ABR: variants seen among roughly 807,000 people sequenced by gnomAD.
The protein encoded by ABR is ABR activator of RhoGEF and GTPase.
ABR carries 35 observed loss-of-function variants against 107.2 expected under a neutral mutation model. The ratio of observed to expected loss-of-function variants is 0.33; its 90% CI spans 0.25 to 0.43. The LOEUF (loss-of-function observed/expected upper bound fraction) is 0.43, where lower values mean the gene tolerates loss of function less well. Ranked by LOEUF, ABR falls within the 20% of genes least tolerant of loss-of-function variation. The pLI, the probability that ABR is intolerant of heterozygous loss-of-function variation, is 1.00. For synonymous variants in ABR, 498 were observed against 462.0 expected (o/e 1.08, Z -1.00); for missense variants, 815 against 1,115.2 (o/e 0.73, Z 3.83).
chr17:1,079,326 G>A lies in ABR; in HGVS notation c.700+4C>T. The A allele has an allele frequency of 6.2e-7, 1 of 1,613,180 alleles. No individual in the cohort carries two copies. Among genetic ancestry groups the A allele is most frequent in the Non-Finnish European group, 8.5e-7 (1 of 1,179,540 alleles). On this transcript the variant is annotated splice_donor_region_variant and intron_variant, in intron 6 of 22. Coordinates refer to ENST00000302538, the MANE Select transcript of ABR (RefSeq NM_021962.5). ...CCTGTAATCCAGCCCGCTCCCCGAG[G>A]TACCTTCCATGGTGACAGACGTGTG...
chr17:1,050,045 C>A lies in ABR; in HGVS notation c.1791+5G>T. 8 of 1,613,026 alleles carry A rather than the reference C, an allele frequency of 5.0e-6. No homozygotes were observed. Among genetic ancestry groups the A allele is most frequent in the Non-Finnish European group, 6.8e-6 (8 of 1,179,624 alleles). ...CTCAGCCTCGCCCCGGCGCCCTGGC[C>A]TCACCTGGATCTGTCCTTTGCCCAT... On this transcript the variant is annotated splice_donor_5th_base_variant and intron_variant, in intron 16 of 22. Coordinates refer to ENST00000302538, the MANE Select transcript of ABR (RefSeq NM_021962.5). This position sits in a 1 kb window ranked among gnomAD's most constrained non-coding sequence, Gnocchi z 4.6.
intron 16 of ABR, among the ~76,000 whole-genome samples, chr17:1,024,606 C>T (rs940956894): frequency 6.6e-6 from 1 of 151,884 alleles, no homozygotes; most frequent in Admixed American, 6.6e-5. Context: ...CGCAACATAA[C>T]GAAACCTCGT....
intron 1 of ABR, among the ~76,000 whole-genome samples, chr17:1,153,303 C>T (rs1387640727): frequency 6.6e-6 from 1 of 152,278 alleles, no homozygotes; most frequent in African/African-American, 2.4e-5. Context: ...GTCATACCCC[C>T]CAGCCTGGCC....
In ABR at chr17:1,004,760, C is replaced by G; in HGVS notation, c.*1320G>C. 3.0e-6 allele frequency: 1 copy of G among 328,014 alleles called. No individual in the cohort carries two copies. The highest frequency in any genetic ancestry group is 5.5e-6 in the Non-Finnish European group (1 of 180,868). The allele number at this position is 328,014 out of a possible 1,614,324, so 20.3% of individuals were successfully genotyped here. On this transcript the variant is annotated 3_prime_UTR_variant, in exon 23 of 23. Transcript: ENST00000302538. ...GGCGGCTGTCTGATTCCCCACTCTC[C>G]CCACAACTTCTGGAGTTCCCAGTGT...
chr17:1,018,171 T>C (rs576908402), intron 16 of ABR, among the ~76,000 whole-genome samples: 93 of 152,098 alleles, frequency 6.1e-4, no homozygotes, highest in African/African-American at 2.1e-3. Context: ...GCCTCCTGAG[T>C]AGCTGGGACT....
chr17:1,078,852 A>G lies in ABR; in HGVS notation c.700+478T>C. The G allele has an allele frequency of 6.5e-7, 1 of 1,535,502 alleles. No homozygotes were observed. The highest frequency in any genetic ancestry group is 8.7e-7 in the Non-Finnish European group (1 of 1,146,784). Reference sequence around the variant, plus strand: ...ACAGCAGAAGCGAATAATGAGGAGAATCTCCATGGCAGCCTCTGTCCCCGC... The same window carrying G: ...ACAGCAGAAGCGAATAATGAGGAGAGTCTCCATGGCAGCCTCTGTCCCCGC... On this transcript the variant is annotated intron_variant, in intron 6 of 22. Transcript: ENST00000302538. The surrounding 1 kb of genome is among the most constrained non-coding windows in gnomAD (Gnocchi z 7.5).
Position 1,005,955 on chromosome 17 carries a change from G to T in ABR, c.*125C>A. The stretch of plus-strand genomic sequence containing the variant: ...GACGTACGCATTCCAGTTCTTGGAA[G>T]CTGGCTTCCCTCGAGTCTGGAGTGC... On this transcript the variant is annotated 3_prime_UTR_variant, in exon 23 of 23. Transcript: ENST00000302538. 2 of 902,720 alleles carry T rather than the reference G, an allele frequency of 2.2e-6. No homozygotes were observed. Among genetic ancestry groups the T allele is most frequent in the Non-Finnish European group, 3.5e-6 (2 of 574,468 alleles). The allele number at this position is 902,720 out of a possible 1,614,324, so 55.9% of individuals were successfully genotyped here.
At chr17:1,190,759 AT>A (rs1382475859), upstream of ABR, among the ~76,000 whole-genome samples, 2 of 152,190 alleles carry the variant, frequency 1.3e-5, no homozygotes, top group African/African-American at 2.4e-5. Context: ...GTCTGCTGGG[AT>A]TCCGAGAAAG....
intron 1 of ABR, among the ~76,000 whole-genome samples, chr17:1,137,524 A>G (rs1045184843): frequency 1.3e-5 from 2 of 152,238 alleles, no homozygotes; most frequent in African/African-American, 4.8e-5. Flanking sequence ...CACAACGTTC[A>G]TAGATGAAGG....
chr17:1,144,533 G>A (rs1471932113), intron 1 of ABR, among the ~76,000 whole-genome samples: 1 of 150,812 alleles, frequency 6.6e-6, no homozygotes, highest in Non-Finnish European at 1.5e-5. Flanking sequence ...GGAGTGACAA[G>A]AGATACCAGA....
chr17:1,135,594 G>A (rs1413013730), intron 1 of ABR, among the ~76,000 whole-genome samples: 1 of 152,090 alleles, frequency 6.6e-6, no homozygotes, highest in Non-Finnish European at 1.5e-5. Flanking sequence ...TCTTCAGAGA[G>A]GCCAGGTGCG....
rs903456218 is a variant in ABR at position 1,150,751 on chromosome 17, G to A, written c.62-25384C>T. ...GCACCCCACCCACTGGGAACCACGC[G>A]AGCAGGGAGGGACGAAGGGAGGAGC... On this transcript the variant is annotated intron_variant, in intron 1 of 22. Transcript: ENST00000302538. The surrounding 1 kb of genome is among the most constrained non-coding windows in gnomAD (Gnocchi z 4.8). Among the ~76,000 whole-genome samples the A allele has an allele frequency of 4.6e-5, 7 of 152,134 alleles. No individual in the cohort carries two copies. The highest frequency in any genetic ancestry group is 1.2e-4 in the African/African-American group (5 of 41,434).
Position 1,004,882 on chromosome 17 carries a change from C to T in ABR, c.*1198G>A. The T allele has an allele frequency of 2.5e-6, 1 of 397,064 alleles. No homozygotes were observed. Among genetic ancestry groups the T allele is most frequent in the Admixed American group, 4.4e-5 (1 of 22,690 alleles). 24.6% of individuals were successfully genotyped at this position (397,064 alleles called of 1,614,324 possible). A position where few individuals can be genotyped will look rare whatever the true frequency, so the allele number is the denominator to read the frequency against. On this transcript the variant is annotated 3_prime_UTR_variant, in exon 23 of 23. Coordinates refer to ENST00000302538, the MANE Select transcript of ABR (RefSeq NM_021962.5). ...CTTCCCAGGTCCTGGAGGACCGTGG[C>T]AGTGCTTGGCTGTGGAGTGTGTGTA... is the stretch of plus-strand genomic sequence containing the variant.
At position 1,010,897 on chromosome 17, in the gene ABR, G is replaced by A. The variant is rs370395442; in HGVS notation, c.2102-34C>T. Reference sequence around the variant, plus strand: ...GTGGGGCCGAGGTCAGGCAGCCTTAGCTGGGCCAGCAGCCCCGTTCCACCC... The same window carrying A: ...GTGGGGCCGAGGTCAGGCAGCCTTAACTGGGCCAGCAGCCCCGTTCCACCC... On this transcript the variant is annotated intron_variant, in intron 19 of 22. Coordinates refer to ENST00000302538, the MANE Select transcript of ABR (RefSeq NM_021962.5). The surrounding 1 kb of genome is among the most constrained non-coding windows in gnomAD (Gnocchi z 4.1). 15 of 1,610,746 alleles carry A rather than the reference G, an allele frequency of 9.3e-6. No individual in the cohort carries two copies. The highest frequency in any genetic ancestry group is 3.3e-5 in the Admixed American group (2 of 59,960).
At position 1,005,861 on chromosome 17, in the gene ABR, A is replaced by C; in HGVS notation, c.*219T>G. On this transcript the variant is annotated 3_prime_UTR_variant, in exon 23 of 23. Coordinates refer to ENST00000302538, the MANE Select transcript of ABR (RefSeq NM_021962.5). ...GCATCAGACACAACTAGAGGTATGG[A>C]GGGCAGGAGGTGGGATGCGGTGGTG... 1.7e-6 allele frequency: 1 copy of C among 598,036 alleles called. No individual in the cohort carries two copies. Among genetic ancestry groups the C allele is most frequent in the South Asian group, 1.9e-5 (1 of 51,338 alleles). The allele number at this position is 598,036 out of a possible 1,614,324, so 37.0% of individuals were successfully genotyped here.
chr17:1,136,631 C>T (rs934119919), intron 1 of ABR, among the ~76,000 whole-genome samples: 2 of 152,210 alleles, frequency 1.3e-5, no homozygotes, highest in Admixed American at 1.3e-4. Flanking sequence ...CTTCACTTTG[C>T]CTTTTTCTGT....
chr17:1,088,745 T>C (rs1019248094), intron 4 of ABR, among the ~76,000 whole-genome samples: 9 of 151,376 alleles, frequency 5.9e-5, no homozygotes, highest in Admixed American at 4.6e-4. Context: ...CGTGTTATCA[T>C]GCCCGGCTAA....
intron 20 of ABR, 97 bp from the exon 21 acceptor site, chr17:1,009,881 C>T (rs1266145085): frequency 9.4e-7 from 1 of 1,064,380 alleles, no homozygotes; most frequent in African/African-American, 1.6e-5. Flanking sequence ...GGAGAGAGCC[C>T]AGGCTTCCAG....
At chr17:1,211,695 G>A (rs1399761617) in intron 1 of ABR, among the ~76,000 whole-genome samples, 4 of 152,184 alleles carry the variant, frequency 2.6e-5, no homozygotes, top group Admixed American at 1.3e-4. Context: ...AGGTTCAAAC[G>A]TGGGCAGTCT....
Sources: gnomAD v4.1 joint callset for allele counts (sites outside exome capture counted in the v4.1 genomes callset) on GRCh38, gnomAD v4.1.1 for gene constraint, Gnocchi (gnomAD v3.1) non-coding constraint, MANE v1.5 for transcripts, NCBI Gene and HGNC (gene_info 2026-07-23, HGNC 2026-07-21) for gene names.